The following ANKH variants were observed in gnomAD, a reference collection of about 807,000 sequenced individuals.
ANKH encodes the protein mineralization regulator ANKH.
Under a neutral mutation model 49.0 loss-of-function variants are expected in ANKH, and 15 were observed. The observed-to-expected ratio is 0.31, with a 90% CI of 0.20 to 0.47. The LOEUF is 0.47. Among genes scored for constraint, ANKH ranks in the 20% least tolerant of loss-of-function variants. The probability of loss-of-function intolerance (pLI) is 1.00; values close to 1 mark genes in which losing one functional copy is unlikely to be tolerated. For synonymous variants in ANKH, 273 were observed against 260.0 expected, an observed-to-expected ratio of 1.05 and a Z score of -0.48; for missense variants, 429 against 652.0, an observed-to-expected ratio of 0.66 and a Z score of 3.72.
In ANKH at chr5:14,871,717, A is replaced by ACGG. The variant is rs531421951; in HGVS notation, c.-273_-271dup. ...TCTGCCGGGAAAAAAAAGAGGAGGG[A>ACGG]CGGCGGCGGCGGCGGCGGCGGCAGA... On this transcript the variant is annotated 5_prime_UTR_variant, in exon 1 of 12. Coordinates refer to ENST00000284268, the MANE Select transcript of ANKH (RefSeq NM_054027.6). The ACGG allele has an allele frequency of 8.9e-3, 1,407 of 157,518 alleles. 18 individuals carry two copies. The highest frequency in any genetic ancestry group is 9.9e-3 in the Non-Finnish European group (744 of 74,848). 9.8% of individuals were successfully genotyped at this position (157,518 alleles called of 1,614,324 possible).
Position 14,833,936 on chromosome 5 carries a change from G to A in ANKH, c.96+37416C>T, listed in dbSNP as rs548800708. On this transcript the variant is annotated intron_variant, in intron 1 of 11. Transcript: ENST00000284268. ...GCAACTGCCTCAGAGTTGGCAGCACGAAAGAATCAGGAAACCAAAGAGAAT... is the reference window on the plus strand; with the variant it reads ...GCAACTGCCTCAGAGTTGGCAGCACAAAAGAATCAGGAAACCAAAGAGAAT... Among the ~76,000 whole-genome samples the A allele has an allele frequency of 1.3e-4, 20 of 152,220 alleles. No individual in the cohort carries two copies. The East Asian group carries it at 2.9e-3, about 22-fold the overall frequency.
chr5:14,783,289 T>TACACACACACACACACACAC (rs57904537), intron 1 of ANKH, among the ~76,000 whole-genome samples: 71 of 144,632 alleles, frequency 4.9e-4, no homozygotes, highest in Non-Finnish European at 7.6e-4. Flanking sequence ...GCCACCATTC[T>TACACACACACACACACACAC]ACACACACAC....
chr5:14,751,279 G>C, intron 4 of ANKH, 40 bp from the exon 5 acceptor site: 1 of 1,605,596 alleles, frequency 6.2e-7, no homozygotes, highest in Non-Finnish European at 8.5e-7. Context: ...GAGGGGAGAA[G>C]CGGGAACCGA....
chr5:14,768,960 G>C lies in ANKH; in HGVS notation c.313+15C>G, dbSNP rs750699397. The C allele has an allele frequency of 4.3e-6, 7 of 1,613,068 alleles. No homozygotes were observed. The highest frequency in any genetic ancestry group is 5.9e-6 in the Non-Finnish European group (7 of 1,179,108). On this transcript the variant is annotated intron_variant, in intron 2 of 11. Transcript: ENST00000284268. The stretch of plus-strand genomic sequence containing the variant: ...TGCCAAAGCTAGATTCGTCAGTGGC[G>C]GTCGGCGGCCTCACCTATCAGTGTG...
chr5:14,766,495 C>G (rs973417648), intron 2 of ANKH, among the ~76,000 whole-genome samples: 1 of 152,176 alleles, frequency 6.6e-6, no homozygotes, highest in African/African-American at 2.4e-5. Context: ...AGGCCTGTCC[C>G]AACCCCAAAA....
At chr5:14,823,048 T>A (rs902326438) in intron 1 of ANKH, among the ~76,000 whole-genome samples, 1 of 150,804 alleles carries the variant, frequency 6.6e-6, no homozygotes, top group African/African-American at 2.5e-5. Flanking sequence ...AAAAAAAAAA[T>A]ACTGTAATTA....
intron 1 of ANKH, among the ~76,000 whole-genome samples, chr5:14,821,410 C>A (rs1178529895): frequency 2.0e-5 from 3 of 152,122 alleles, no homozygotes; most frequent in Non-Finnish European, 4.4e-5. Context: ...CTCTTTTACT[C>A]TGAAAATGGA....
chr5:14,870,460 C>A (rs1273160301), intron 1 of ANKH: 1 of 152,304 alleles, frequency 6.6e-6, no homozygotes, highest in African/African-American at 2.4e-5. Flanking sequence ...GACAGTACCA[C>A]AATACAGGAG....
chr5:14,746,764 G>A (rs1346586527), intron 6 of ANKH, among the ~76,000 whole-genome samples: 1 of 152,184 alleles, frequency 6.6e-6, no homozygotes, highest in Non-Finnish European at 1.5e-5. Context: ...GGACAGCTTG[G>A]AGGTTGGAAG....
chr5:14,740,101 A>C (rs1165378107), intron 8 of ANKH, among the ~76,000 whole-genome samples: 1 of 152,182 alleles, frequency 6.6e-6, no homozygotes, highest in Non-Finnish European at 1.5e-5. Context: ...CAACTCTAGC[A>C]GCGGAAAGAT....
chr5:14,727,795 C>A (rs1357288786), intron 8 of ANKH, among the ~76,000 whole-genome samples: 1 of 152,078 alleles, frequency 6.6e-6, no homozygotes, highest in Non-Finnish European at 1.5e-5. Flanking sequence ...ATGGTGATGA[C>A]AAGCAGCAAT....
chr5:14,736,920 G>A (rs1482366520), intron 8 of ANKH, among the ~76,000 whole-genome samples: 1 of 152,168 alleles, frequency 6.6e-6, no homozygotes. Flanking sequence ...TGAAGCAGAG[G>A]GTCCCCCTCT....
In ANKH at chr5:14,741,875, T is replaced by C. The variant is rs2288474; in HGVS notation, c.963A>G (p.Ala321=). ...KLVSTSNTVT[A]AHIKKFTFVC... ...CGAAGGTGAACTTCTTGATGTGGGC[T>C]GCCGTGACTGTGTTGCTCGTGCTCA... is the stretch of plus-strand genomic sequence containing the variant. Residue 321 remains alanine, a synonymous_variant, in exon 8 of 12, where the codon GCA becomes GCG. Coordinates refer to ENST00000284268, the MANE Select transcript of ANKH (RefSeq NM_054027.6). 85,159 of 1,613,956 alleles carry C rather than the reference T, an allele frequency of 0.053. 3,130 individuals are homozygous for C. Among genetic ancestry groups the C allele is most frequent in the Admixed American group, 0.16 (9,565 of 60,002 alleles).
rs368423223 is a variant in ANKH, at chr5:14,854,329, A to G, written c.96+17023T>C. Among the ~76,000 whole-genome samples, 19 of 152,318 alleles carry G rather than the reference A, an allele frequency of 1.2e-4. No individual in the cohort carries two copies. The East Asian group carries it at 3.5e-3, about 28-fold the overall frequency. ...TTAAAACATTTCACTAAATCTACTA[A>G]CAAATTAACACGACTGAAACAGAAC... On this transcript the variant is annotated intron_variant, in intron 1 of 11. Transcript: ENST00000284268.
chr5:14,844,649 G>A (rs1169270462), intron 1 of ANKH, among the ~76,000 whole-genome samples: 6 of 152,210 alleles, frequency 3.9e-5, no homozygotes, highest in Non-Finnish European at 8.8e-5. Flanking sequence ...GTGGTCACAG[G>A]TGGCTATTTA....
intron 2 of ANKH, among the ~76,000 whole-genome samples, chr5:14,762,733 TG>T (rs5866112): frequency 0.29 from 30,052 of 102,620 alleles, 3,359 homozygotes; most frequent in Middle Eastern, 0.39. Flanking sequence ...CTAGAGCTAT[TG>T]GGGGGGTGGG....
At chr5:14,734,423 C>T (rs1032960071) in intron 8 of ANKH, among the ~76,000 whole-genome samples, 9 of 152,196 alleles carry the variant, frequency 5.9e-5, no homozygotes, top group South Asian at 2.1e-4. Flanking sequence ...TCTGTAAGGG[C>T]GCATCCTTCT....
chr5:14,772,976 C>T (rs1214458743), intron 1 of ANKH, among the ~76,000 whole-genome samples: 4 of 152,236 alleles, frequency 2.6e-5, no homozygotes, highest in Non-Finnish European at 4.4e-5. Context: ...CCAAGTGGGA[C>T]CACTGTGGTA....
chr5:14,801,115 C>T (rs1335099158), intron 1 of ANKH, among the ~76,000 whole-genome samples: 4 of 152,160 alleles, frequency 2.6e-5, no homozygotes, highest in African/African-American at 7.2e-5. Context: ...GGTCTGGAAC[C>T]GAAGCCGCAA....
Sources: allele counts gnomAD v4.1 joint callset (sites outside exome capture counted in the v4.1 genomes callset), GRCh38; gene constraint gnomAD v4.1.1; transcripts MANE v1.5; gene names NCBI Gene and HGNC (gene_info 2026-07-23, HGNC 2026-07-21).